The following FNDC3A variants were observed in gnomAD, a reference collection of about 807,000 sequenced individuals.
FNDC3A encodes fibronectin type III domain containing 3A.
A neutral mutation model predicts 148.9 loss-of-function variants in FNDC3A; 32 were observed. That is an observed-to-expected ratio of 0.21 (90% confidence interval 0.16 to 0.29). FNDC3A has a LOEUF of 0.29. Ranked by LOEUF, FNDC3A falls within the 10% of genes least tolerant of loss-of-function variation. The pLI, the probability that FNDC3A is intolerant of heterozygous loss-of-function variation, is 1.00. For missense variants in FNDC3A, 1,191 were observed against 1,452.8 expected (o/e 0.82, Z 2.93); for synonymous variants, 472 against 473.6 (o/e 1.00, Z 0.04).
At chr13:49,012,184 C>T (rs1225769086) in intron 2 of FNDC3A, among the ~76,000 whole-genome samples, 2 of 151,854 alleles carry the variant, frequency 1.3e-5, no homozygotes, top group South Asian at 2.1e-4. Flanking sequence ...GGCGCGATCT[C>T]GGCTTGCTGC....
intron 2 of FNDC3A, among the ~76,000 whole-genome samples, chr13:49,033,099 CTT>C (rs1196898648): frequency 2.0e-5 from 3 of 152,024 alleles, no homozygotes; most frequent in Non-Finnish European, 2.9e-5. Flanking sequence ...ATGCTTGTTT[CTT>C]TTATATATAC....
chr13:49,031,780 T>C (rs1874137267), intron 2 of FNDC3A, among the ~76,000 whole-genome samples: 1 of 152,128 alleles, frequency 6.6e-6, no homozygotes, highest in Non-Finnish European at 1.5e-5. Flanking sequence ...TGAGATACAG[T>C]ATACTTCATC....
intron 2 of FNDC3A, among the ~76,000 whole-genome samples, chr13:49,068,293 G>A (rs970643542): frequency 3.3e-5 from 5 of 152,160 alleles, no homozygotes; most frequent in Admixed American, 3.3e-4. Context: ...GAGCCCGGGA[G>A]GTCAAGGCTG....
At chr13:49,185,258 T>C (rs1885507567) in intron 14 of FNDC3A, among the ~76,000 whole-genome samples, 1 of 152,176 alleles carries the variant, frequency 6.6e-6, no homozygotes, top group Non-Finnish European at 1.5e-5. Context: ...TATCCCAAAA[T>C]TTAGCAGCTT....
chr13:49,013,542 A>G (rs3012115), intron 2 of FNDC3A, among the ~76,000 whole-genome samples: 12,694 of 151,636 alleles, frequency 0.084, 706 homozygotes, highest in Middle Eastern at 0.14. Flanking sequence ...ATATACGTGT[A>G]CATGTGTATA....
At chr13:49,037,699 G>A (rs1422337365) in intron 2 of FNDC3A, among the ~76,000 whole-genome samples, 1 of 152,200 alleles carries the variant, frequency 6.6e-6, no homozygotes, top group Non-Finnish European at 1.5e-5. Flanking sequence ...CCCCCTCACA[G>A]TACATGCAAC....
Position 49,138,801 on chromosome 13 carries a change from C to T in FNDC3A, c.815C>T (p.Pro272Leu). The T allele has an allele frequency of 6.8e-7, 1 of 1,470,718 alleles. No individual in the cohort carries two copies. Among genetic ancestry groups the T allele is most frequent in the Non-Finnish European group, 9.4e-7 (1 of 1,067,986 alleles). 91.1% of individuals were successfully genotyped at this position (1,470,718 alleles called of 1,614,324 possible). ...GCACTTCTTTCCAACATTGTCAAAC[C>T]AGTGGTAAGTATCTTATGTATTTTA... is the stretch of plus-strand genomic sequence containing the variant. ...FEALLSNIVK[P>L]VASDIQARTV... The change falls in exon 7 of 26, where the codon CCA becomes CTA. Residue 272 changes from proline (P) to leucine (L), a missense_variant. Coordinates refer to ENST00000492622, the MANE Select transcript of FNDC3A (RefSeq NM_001079673.2).
intron 6 of FNDC3A, among the ~76,000 whole-genome samples, chr13:49,137,334 T>C (rs1277171112): frequency 6.6e-6 from 1 of 152,000 alleles, no homozygotes; most frequent in Non-Finnish European, 1.5e-5. Flanking sequence ...AACTTTGTTT[T>C]ATTGGTTTTT....
At chr13:49,158,177 C>T (rs903552697) in intron 8 of FNDC3A, among the ~76,000 whole-genome samples, 5 of 152,170 alleles carry the variant, frequency 3.3e-5, no homozygotes, top group African/African-American at 1.2e-4. Context: ...TGTGAGACTC[C>T]GTGGGCGTAG....
rs370457223 is a variant in FNDC3A at position 49,167,564 on chromosome 13, A to G, written c.1037+261A>G. On this transcript the variant is annotated intron_variant, in intron 9 of 25. Coordinates refer to ENST00000492622, the MANE Select transcript of FNDC3A (RefSeq NM_001079673.2). ...GACAAAGAAATCCAAAAAGTAGCCA[A>G]GCATGGTGGTGCAGGCCTGTGGTAT... is the stretch of plus-strand genomic sequence containing the variant. Among the ~76,000 whole-genome samples, 796 of 152,114 alleles carry G rather than the reference A, an allele frequency of 5.2e-3. 6 individuals are homozygous for G. Among genetic ancestry groups the G allele is most frequent in the African/African-American group, 0.018 (760 of 41,498 alleles).
intron 7 of FNDC3A, among the ~76,000 whole-genome samples, chr13:49,144,209 A>C (rs1273645883): frequency 6.6e-6 from 1 of 151,970 alleles, no homozygotes; most frequent in Non-Finnish European, 1.5e-5. Context: ...AGAAAAAAAA[A>C]CCTGCTCAGT....
chr13:49,195,305 C>T (rs1001755132), intron 19 of FNDC3A, among the ~76,000 whole-genome samples: 1 of 152,048 alleles, frequency 6.6e-6, no homozygotes, highest in African/African-American at 2.4e-5. Flanking sequence ...TTTTATAAAA[C>T]AGTTACGTTC....
At chr13:48,984,917 T>C (rs1389134353) in intron 1 of FNDC3A, among the ~76,000 whole-genome samples, 1 of 152,092 alleles carries the variant, frequency 6.6e-6, no homozygotes, top group Non-Finnish European at 1.5e-5. Context: ...CTCTTGAGCT[T>C]GTGATCTGCT....
chr13:49,062,575 G>A (rs1330388226), intron 2 of FNDC3A, among the ~76,000 whole-genome samples: 4 of 152,060 alleles, frequency 2.6e-5, no homozygotes, highest in Non-Finnish European at 5.9e-5. Context: ...CACATTATAT[G>A]TGCCCTCTCC....
At chr13:49,199,209 T>C (rs984010056) in intron 23 of FNDC3A, among the ~76,000 whole-genome samples, 2 of 151,942 alleles carry the variant, frequency 1.3e-5, no homozygotes, top group Admixed American at 6.6e-5. Context: ...TTAGTAGAGA[T>C]GGGGTTTCAC....
intron 4 of FNDC3A, among the ~76,000 whole-genome samples, chr13:49,118,434 G>C (rs535606631): frequency 6.6e-6 from 1 of 152,266 alleles, no homozygotes; most frequent in African/African-American, 2.4e-5. Context: ...GCAGGCATTT[G>C]GGCAGACACT....
chr13:49,054,521 C>G (rs1876083780), intron 2 of FNDC3A, among the ~76,000 whole-genome samples: 1 of 152,216 alleles, frequency 6.6e-6, no homozygotes, highest in Non-Finnish European at 1.5e-5. Flanking sequence ...CTGCTCCAGG[C>G]TGTACCCAAA....
At chr13:49,107,931 A>G (rs1258948060) in intron 3 of FNDC3A, among the ~76,000 whole-genome samples, 1 of 152,076 alleles carries the variant, frequency 6.6e-6, no homozygotes. Context: ...TTTTCAGGAG[A>G]TGGGGAAGTC....
At chr13:49,022,312 T>G (rs1467864739) in intron 2 of FNDC3A, among the ~76,000 whole-genome samples, 1 of 152,140 alleles carries the variant, frequency 6.6e-6, no homozygotes, top group Admixed American at 6.5e-5. Flanking sequence ...AAAACAAACC[T>G]AAAAACAAAG....
Sources: gnomAD v4.1 joint callset for allele counts (sites outside exome capture counted in the v4.1 genomes callset) on GRCh38, gnomAD v4.1.1 for gene constraint, MANE v1.5 for transcripts, NCBI Gene and HGNC (gene_info 2026-07-23, HGNC 2026-07-21) for gene names.